Variants in NUP153 observed in about 807,000 individuals in gnomAD.
The protein encoded by NUP153 is nucleoporin 153.
NUP153 carries 27 observed loss-of-function variants against 134.6 expected under a neutral mutation model. The observed-to-expected ratio is 0.20, with a 90% CI of 0.15 to 0.28. NUP153 has a LOEUF of 0.28. Among genes scored for constraint, NUP153 ranks in the 10% least tolerant of loss-of-function variants. NUP153 has a pLI of 1.00. For synonymous variants in NUP153, 640 were observed against 623.5 expected (o/e 1.03, Z -0.40); for missense variants, 1,821 against 1,731.3 (o/e 1.05, Z -0.92).
Position 17,637,653 on chromosome 6 carries a change from C to T in NUP153, c.1964G>A (p.Ser655Asn), listed in dbSNP as rs763756875. 1.9e-6 allele frequency: 3 copies of T among 1,613,774 alleles called. No individual in the cohort carries two copies. Among genetic ancestry groups the T allele is most frequent in the Non-Finnish European group, 1.7e-6 (2 of 1,180,042 alleles). ...CTGCCATGATGACCCAGCTTTTAAA[C>T]TCTCCCCAAACCCAATTCCACTAGA... Reference protein sequence around the residue: ...FSSSGIGFGESLKAGSSWQCD... With the variant: ...FSSSGIGFGENLKAGSSWQCD... Residue 655 changes from serine to asparagine, a missense_variant, in exon 16 of 22, where the codon AGT (serine) becomes AAT (asparagine). Ser to Asn is a conservative substitution (Grantham distance 46, BLOSUM62 1). Coordinates refer to ENST00000262077, the MANE Select transcript of NUP153 (RefSeq NM_005124.4).
intron 17 of NUP153, 75 bp downstream of exon 17, chr6:17,632,575 C>CA: frequency 8.8e-7 from 1 of 1,134,212 alleles, no homozygotes; most frequent in Non-Finnish European, 1.3e-6. Context: ...AAGCTGTTCT[C>CA]AAATACTTCA....
rs1442769992 is a variant in NUP153 at position 17,638,834 on chromosome 6, G to T, written c.1847-1064C>A. 5.9e-5 allele frequency among the ~76,000 whole-genome samples: 9 copies of T among 152,164 alleles called. No homozygotes were observed. Among genetic ancestry groups the T allele is most frequent in the Non-Finnish European group, 1.0e-4 (7 of 68,034 alleles). ...TTAATTCCAGCACAAGCACTCTGGA[G>T]TTCTACCATAACTGCATGGAACTGT... is the stretch of plus-strand genomic sequence containing the variant. On this transcript the variant is annotated intron_variant, in intron 15 of 21. Transcript: ENST00000262077. The surrounding 1 kb of genome is among the most constrained non-coding windows in gnomAD (Gnocchi z 4.0).
intron 17 of NUP153, among the ~76,000 whole-genome samples, chr6:17,632,265 T>A (rs547574967): frequency 5.9e-5 from 9 of 152,002 alleles, no homozygotes; most frequent in Non-Finnish European, 1.2e-4. Context: ...CGCGCCCCCG[T>A]ACTCCAGCCT....
intron 1 of NUP153, among the ~76,000 whole-genome samples, chr6:17,692,824 T>C (rs1431260383): frequency 6.6e-6 from 1 of 152,104 alleles, no homozygotes; most frequent in Admixed American, 6.6e-5. Flanking sequence ...GATTCTAATA[T>C]TGGAAATCAG....
At chr6:17,659,906 T>C (rs917181555) in intron 11 of NUP153, among the ~76,000 whole-genome samples, 1 of 152,194 alleles carries the variant, frequency 6.6e-6, no homozygotes, top group African/African-American at 2.4e-5. Flanking sequence ...CAGATAATGA[T>C]ATACAGTAAT....
In NUP153 at chr6:17,647,664, T is replaced by C. The variant is rs574824736; in HGVS notation, c.1632+143A>G. On this transcript the variant is annotated intron_variant, in intron 13 of 21. Transcript: ENST00000262077. The stretch of plus-strand genomic sequence containing the variant: ...TATGTAGTGAAGAATACATGATTGT[T>C]CAAAAGTTTTTTACACAGAGTATTT... The C allele has an allele frequency of 3.0e-5, 18 of 604,908 alleles. No homozygotes were observed. In the South Asian group the frequency reaches 3.2e-4, roughly 11 times the overall value. 37.5% of individuals were successfully genotyped at this position (604,908 alleles called of 1,614,324 possible).
At position 17,675,210 on chromosome 6, in the gene NUP153, C is replaced by T. The variant is rs1768144287; in HGVS notation, c.723+19G>A. ...CACTCAAAACTAATGTGATTAAATC[C>T]AACCCAGTTAGTACTCACAGGGGAA... On this transcript the variant is annotated intron_variant, in intron 4 of 21. Coordinates refer to ENST00000262077, the MANE Select transcript of NUP153 (RefSeq NM_005124.4). This position sits in a 1 kb window ranked among gnomAD's most constrained non-coding sequence, Gnocchi z 4.4. The T allele has an allele frequency of 1.3e-5, 21 of 1,612,336 alleles. No homozygotes were observed. The highest frequency in any genetic ancestry group is 1.8e-5 in the Non-Finnish European group (21 of 1,179,414).
intron 16 of NUP153, 80 bp downstream of exon 16, chr6:17,637,073 T>C (rs1005863504): frequency 5.9e-6 from 8 of 1,365,728 alleles, no homozygotes; most frequent in African/African-American, 1.5e-5. Context: ...CTGAAACATC[T>C]AAAACAAGGA....
At chr6:17,684,138 T>G (rs1336673086) in intron 2 of NUP153, among the ~76,000 whole-genome samples, 2 of 152,230 alleles carry the variant, frequency 1.3e-5, no homozygotes, top group Admixed American at 6.5e-5. Context: ...AAGCAGATGC[T>G]GGTGCCATGC....
intron 20 of NUP153, among the ~76,000 whole-genome samples, chr6:17,622,825 G>A (rs1218874756): frequency 6.6e-6 from 1 of 152,050 alleles, no homozygotes; most frequent in Non-Finnish European, 1.5e-5. Flanking sequence ...TAACCTTACA[G>A]TGTCTCTATA....
At chr6:17,701,111 G>C (rs1298768254) in intron 1 of NUP153, among the ~76,000 whole-genome samples, 1 of 152,046 alleles carries the variant, frequency 6.6e-6, no homozygotes, top group Non-Finnish European at 1.5e-5. Flanking sequence ...TGTAATTCCA[G>C]CTACTTGGGA....
At chr6:17,684,896 T>A (rs1768816940) in intron 2 of NUP153, among the ~76,000 whole-genome samples, 1 of 152,190 alleles carries the variant, frequency 6.6e-6, no homozygotes, top group African/African-American at 2.4e-5. Flanking sequence ...ACTGATTAAG[T>A]TCATCATCTT....
rs1768178428 is a variant in NUP153, at chr6:17,675,633, T to C, written c.472A>G (p.Ile158Val). The C allele has an allele frequency of 1.9e-6, 3 of 1,614,168 alleles. No homozygotes were observed. Among genetic ancestry groups the C allele is most frequent in the Non-Finnish European group, 1.7e-6 (2 of 1,180,024 alleles). Residue 158 changes from isoleucine (I) to valine (V), a missense_variant, in exon 3 of 22, where the codon ATT becomes GTT. Coordinates refer to ENST00000262077, the MANE Select transcript of NUP153 (RefSeq NM_005124.4). This position sits in a 1 kb window ranked among gnomAD's most constrained non-coding sequence, Gnocchi z 4.4. ...ACAAGGGAAAATCCCGAACTGCCAA[T>C]TGGGAATGCCGAGGATGTAGATGGC... is the stretch of plus-strand genomic sequence containing the variant. ...CQPSTSSAFP[I>V]GSSGFSLVKE...
chr6:17,617,465 T>TA (rs71002233), intron 20 of NUP153, among the ~76,000 whole-genome samples: 53,195 of 105,578 alleles, frequency 0.5, 12,974 homozygotes, highest in Middle Eastern at 0.71. Flanking sequence ...TAGTGGGAAT[T>TA]AAAAAAAAAA....
At chr6:17,661,600 C>A in intron 11 of NUP153, 53 bp downstream of exon 11, 1 of 1,560,536 alleles carries the variant, frequency 6.4e-7, no homozygotes, top group South Asian at 1.2e-5. Flanking sequence ...TTACCACCAC[C>A]ACACCAATGC....
chr6:17,649,764 T>C (rs905657643), intron 11 of NUP153, among the ~76,000 whole-genome samples: 1 of 152,238 alleles, frequency 6.6e-6, no homozygotes, highest in Non-Finnish European at 1.5e-5. Flanking sequence ...ATTTTATTGT[T>C]GTTGTTAATC....
intron 11 of NUP153, among the ~76,000 whole-genome samples, chr6:17,655,864 AAAC>A (rs1766783216): frequency 6.6e-6 from 1 of 152,212 alleles, no homozygotes; most frequent in Admixed American, 6.5e-5. Flanking sequence ...ACTGCATTCA[AAAC>A]AACTATATAA....
At chr6:17,674,507 G>A (rs768740789) in intron 5 of NUP153, among the ~76,000 whole-genome samples, 10 of 152,102 alleles carry the variant, frequency 6.6e-5, no homozygotes, top group South Asian at 2.1e-4. Flanking sequence ...AGTGGCTCAC[G>A]CCTGTAATCC....
rs1354400919 is a variant in NUP153 at position 17,675,262 on chromosome 6, T to G, written c.690A>C (p.Ala230=). 6.2e-7 allele frequency: 1 copy of G among 1,614,108 alleles called. No homozygotes were observed. Among genetic ancestry groups the G allele is most frequent in the Non-Finnish European group, 8.5e-7 (1 of 1,180,024 alleles). The part of the protein sequence containing the change: ...QHTATSSKKP[A]FNLSAFGTLS... ...GTGTTCCAAAGGCAGACAAGTTGAA[T>G]GCTGGTTTTTTTGAGCTGGTGGCAG... is the stretch of plus-strand genomic sequence containing the variant. Residue 230 remains alanine, a synonymous_variant, in exon 4 of 22, where the codon GCA becomes GCC. Transcript: ENST00000262077. The surrounding 1 kb of genome is among the most constrained non-coding windows in gnomAD (Gnocchi z 4.4).
Sources: allele counts gnomAD v4.1 joint callset (sites outside exome capture counted in the v4.1 genomes callset), GRCh38; gene constraint gnomAD v4.1.1; non-coding constraint Gnocchi (gnomAD v3.1); transcripts MANE v1.5; gene names NCBI Gene and HGNC (gene_info 2026-07-23, HGNC 2026-07-21).